NPAS3: variants seen among roughly 807,000 people sequenced by gnomAD.
The protein encoded by NPAS3 is neuronal PAS domain-containing protein 3.
A neutral mutation model predicts 73.1 loss-of-function variants in NPAS3; 14 were observed. The observed-to-expected ratio is 0.19, with a 90% CI of 0.13 to 0.30. NPAS3 has a LOEUF of 0.30. Ranked by LOEUF, NPAS3 falls within the 10% of genes least tolerant of loss-of-function variation. NPAS3 has a pLI of 1.00. For synonymous variants in NPAS3, 620 were observed against 541.5 expected (o/e 1.14, Z -2.01); for missense variants, 1,096 against 1,250.0 (o/e 0.88, Z 1.86).
At chr14:33,365,414 T>C (rs2045797983) in intron 3 of NPAS3, among the ~76,000 whole-genome samples, 1 of 152,094 alleles carries the variant, frequency 6.6e-6, no homozygotes, top group African/African-American at 2.4e-5. Context: ...ATACACACAG[T>C]AGTACTGTCT....
intron 5 of NPAS3, among the ~76,000 whole-genome samples, chr14:33,606,679 G>A (rs549993669): frequency 6.6e-6 from 1 of 152,226 alleles, no homozygotes; most frequent in East Asian, 1.9e-4. Context: ...GTGACCTTCG[G>A]TTAGATAAAG....
At chr14:32,936,540 G>A (rs966219074), upstream of NPAS3, among the ~76,000 whole-genome samples, 1 of 152,082 alleles carries the variant, frequency 6.6e-6, no homozygotes, top group African/African-American at 2.4e-5. Flanking sequence ...AATGACAATA[G>A]TATCTGGCGG....
chr14:33,229,658 T>C (rs1391627981), intron 3 of NPAS3, among the ~76,000 whole-genome samples: 1 of 152,202 alleles, frequency 6.6e-6, no homozygotes, highest in African/African-American at 2.4e-5. Flanking sequence ...CTCAATGTTT[T>C]AGCAGAACAG....
At position 33,401,315 on chromosome 14, in the gene NPAS3, G is replaced by A. The variant is rs115925463; in HGVS notation, c.468+34047G>A. On this transcript the variant is annotated intron_variant, in intron 4 of 11. Transcript: ENST00000356141. Reference sequence around the variant, plus strand: ...TGTGCTGTTACCCTGGCCAGATCACGTTTCAATCACAGATCTCAGTAACTC... The same window carrying A: ...TGTGCTGTTACCCTGGCCAGATCACATTTCAATCACAGATCTCAGTAACTC... Among the ~76,000 whole-genome samples, 271 of 152,236 alleles carry A rather than the reference G, an allele frequency of 1.8e-3. 2 individuals carry two copies. The highest frequency in any genetic ancestry group is 6.1e-3 in the African/African-American group (254 of 41,542).
chr14:33,541,645 C>T (rs770971861), intron 4 of NPAS3, among the ~76,000 whole-genome samples: 9 of 152,118 alleles, frequency 5.9e-5, no homozygotes, highest in Admixed American at 2.6e-4. Flanking sequence ...AGTGTGAACA[C>T]CTCTAAGAGG....
chr14:33,001,279 G>T (rs2038796180), intron 1 of NPAS3, among the ~76,000 whole-genome samples: 2 of 152,162 alleles, frequency 1.3e-5, no homozygotes, highest in African/African-American at 4.8e-5. Context: ...CAGCTTGGAA[G>T]TAACTCTACC....
chr14:33,336,672 C>T (rs577970240), intron 3 of NPAS3, among the ~76,000 whole-genome samples: 2 of 152,266 alleles, frequency 1.3e-5, no homozygotes, highest in African/African-American at 2.4e-5. Flanking sequence ...TCTCTTCACC[C>T]TTGCCACATT....
chr14:33,697,647 T>C (rs1484603796), intron 6 of NPAS3, among the ~76,000 whole-genome samples: 1 of 152,226 alleles, frequency 6.6e-6, no homozygotes, highest in Admixed American at 6.5e-5. Flanking sequence ...TACAGTAACC[T>C]GATACCCAAG....
chr14:33,561,005 C>T (rs1197089949), intron 5 of NPAS3, among the ~76,000 whole-genome samples: 1 of 152,132 alleles, frequency 6.6e-6, no homozygotes, highest in Non-Finnish European at 1.5e-5. Flanking sequence ...TATTTGCGCC[C>T]ATACAGGTGA....
At chr14:33,364,080 AG>A (rs1231777325) in intron 3 of NPAS3, among the ~76,000 whole-genome samples, 2 of 152,214 alleles carry the variant, frequency 1.3e-5, no homozygotes, top group Admixed American at 6.5e-5. Context: ...GGCAATAGTA[AG>A]TATACAGTGT....
At chr14:33,465,456 G>C (rs2050463418) in intron 4 of NPAS3, among the ~76,000 whole-genome samples, 1 of 152,086 alleles carries the variant, frequency 6.6e-6, no homozygotes, top group Admixed American at 6.5e-5. Flanking sequence ...CAAGATTATA[G>C]AATATATCGA....
At chr14:33,543,979 A>ATC (rs1566988501) in intron 4 of NPAS3, among the ~76,000 whole-genome samples, 6 of 36,998 alleles carry the variant, frequency 1.6e-4, no homozygotes, top group African/African-American at 9.3e-4. Context: ...ATATATATAT[A>ATC]TATATATATA....
chr14:33,183,733 C>T (rs2045887026), intron 2 of NPAS3, among the ~76,000 whole-genome samples: 1 of 152,084 alleles, frequency 6.6e-6, no homozygotes, highest in South Asian at 2.1e-4. Flanking sequence ...ATGATCCTTT[C>T]AAGACCTGTC....
intron 1 of NPAS3, among the ~76,000 whole-genome samples, chr14:32,975,332 C>CCTCCGTCACTCCCTT (rs1566422084): frequency 6.6e-6 from 1 of 150,894 alleles, no homozygotes; most frequent in South Asian, 2.1e-4. Flanking sequence ...CTGCCTCCTT[C>CCTCCGTCACTCCCTT]CCTTTTTAGA....
chr14:33,108,449 C>T (rs1240046189), intron 2 of NPAS3, among the ~76,000 whole-genome samples: 1 of 152,040 alleles, frequency 6.6e-6, no homozygotes, highest in African/African-American at 2.4e-5. Context: ...ACCTCGGCCT[C>T]CCAAAGTGCT....
intron 6 of NPAS3, among the ~76,000 whole-genome samples, chr14:33,678,951 T>C (rs2059851406): frequency 6.6e-6 from 1 of 152,178 alleles, no homozygotes; most frequent in Admixed American, 6.5e-5. Context: ...TTATTACTTC[T>C]AGACTGTAGG....
chr14:33,491,882 T>C (rs1293607226), intron 4 of NPAS3, among the ~76,000 whole-genome samples: 1 of 152,152 alleles, frequency 6.6e-6, no homozygotes, highest in African/African-American at 2.4e-5. Flanking sequence ...TCTGCTGAAA[T>C]GTACACATAG....
chr14:33,776,465 C>CA (rs1054158983), intron 8 of NPAS3, among the ~76,000 whole-genome samples: 18 of 135,128 alleles, frequency 1.3e-4, no homozygotes, highest in Non-Finnish European at 2.2e-4. Flanking sequence ...CTCATGGTGC[C>CA]ACTCTAGTAA....
chr14:33,474,811 TAATAA>T (rs1274780309), intron 4 of NPAS3, among the ~76,000 whole-genome samples: 1 of 152,198 alleles, frequency 6.6e-6, no homozygotes, highest in Admixed American at 6.5e-5. Flanking sequence ...GTGGTGTCAA[TAATAA>T]AATAAAAATA....
Sources: allele counts gnomAD v4.1 joint callset (sites outside exome capture counted in the v4.1 genomes callset), GRCh38; gene constraint gnomAD v4.1.1; transcripts MANE v1.5; gene names NCBI Gene and HGNC (gene_info 2026-07-23, HGNC 2026-07-21).